Variants in ANXA10 observed in about 807,000 individuals in gnomAD.
ANXA10 encodes the protein annexin 14.
ANXA10 carries 49 observed loss-of-function variants against 53.5 expected under a neutral mutation model. The observed-to-expected ratio is 0.92, with a 90% confidence interval of 0.73 to 1.16. The LOEUF (loss-of-function observed/expected upper bound fraction) is 1.16. Among genes scored for constraint, ANXA10 ranks in the 50% most tolerant of loss-of-function variants. ANXA10 has a pLI of 0.00. For missense variants in ANXA10, 393 were observed against 394.4 expected (o/e 1.00, Z 0.03); for synonymous variants, 131 against 128.9 (o/e 1.02, Z -0.11).
Position 168,167,230 on chromosome 4 carries a change from AT to A in ANXA10, c.480+1909del, listed in dbSNP as rs559365638. 1.4e-4 allele frequency among the ~76,000 whole-genome samples: 22 copies of A among 152,220 alleles called. 1 individual carries two copies. The East Asian group carries it at 3.9e-3, about 27-fold the overall frequency. On this transcript the variant is annotated intron_variant, in intron 6 of 11. Transcript: ENST00000359299. ...AGAACAGACAGTCCTCAGTCCCTGA[AT>A]TTTTATGGTCTGACTTATCTACTTC...
chr4:168,136,579 CT>C (rs1296244610), intron 2 of ANXA10, among the ~76,000 whole-genome samples: 1 of 152,184 alleles, frequency 6.6e-6, no homozygotes, highest in Non-Finnish European at 1.5e-5. Flanking sequence ...GACTCCATGT[CT>C]CATATCCAGG....
intron 2 of ANXA10, among the ~76,000 whole-genome samples, chr4:168,128,968 T>C (rs1357604572): frequency 6.6e-6 from 1 of 151,804 alleles, no homozygotes; most frequent in Non-Finnish European, 1.5e-5. Context: ...TATATAATTT[T>C]TAAGATATCA....
intron 1 of ANXA10, among the ~76,000 whole-genome samples, chr4:168,126,272 T>C (rs975636256): frequency 6.6e-6 from 1 of 152,194 alleles, no homozygotes; most frequent in African/African-American, 2.4e-5. Flanking sequence ...ATTAGTAGAT[T>C]AAATTACATT....
intron 3 of ANXA10, among the ~76,000 whole-genome samples, chr4:168,140,618 C>CTTTTTT (rs35945870): frequency 6.8e-5 from 10 of 147,052 alleles, no homozygotes; most frequent in Non-Finnish European, 7.5e-5. Flanking sequence ...TAAGAAATGT[C>CTTTTTT]TTTTTTTTTT....
Position 168,177,803 on chromosome 4 carries a change from A to T in ANXA10, c.534+10A>T, listed in dbSNP as rs374132670. On this transcript the variant is annotated intron_variant, in intron 7 of 11. Transcript: ENST00000359299. Reference sequence around the variant, plus strand: ...TGCTCAGGATGCAATGGTAACTAGAACCAGTTCTCAGACTGACTGCAAAGA... The same window carrying T: ...TGCTCAGGATGCAATGGTAACTAGATCCAGTTCTCAGACTGACTGCAAAGA... 1 of 1,614,130 alleles carries T rather than the reference A, an allele frequency of 6.2e-7. No homozygotes were observed.
At chr4:168,150,402 T>C (rs1731477283) in intron 3 of ANXA10, among the ~76,000 whole-genome samples, 2 of 152,194 alleles carry the variant, frequency 1.3e-5, no homozygotes, top group Admixed American at 1.3e-4. Context: ...ACAAACATTT[T>C]TATAATACTG....
intron 1 of ANXA10, chr4:168,127,628 C>A: frequency 4.6e-6 from 1 of 219,232 alleles, no homozygotes; most frequent in Non-Finnish European, 9.5e-6. Context: ...GTATCATAGT[C>A]TCTTATTTAA....
At chr4:168,180,853 G>T (rs1346132244) in intron 9 of ANXA10, among the ~76,000 whole-genome samples, 1 of 152,094 alleles carries the variant, frequency 6.6e-6, no homozygotes, top group Non-Finnish European at 1.5e-5. Flanking sequence ...CTTCCAGCAA[G>T]GTAACTGTTG....
chr4:168,140,785 A>AT (rs1393344297), intron 3 of ANXA10, among the ~76,000 whole-genome samples: 1 of 151,882 alleles, frequency 6.6e-6, no homozygotes, highest in Non-Finnish European at 1.5e-5. Context: ...CGCCCAGCTA[A>AT]TTTTTTGTAT....
At chr4:168,134,340 T>G (rs1422493296) in intron 2 of ANXA10, among the ~76,000 whole-genome samples, 1 of 152,116 alleles carries the variant, frequency 6.6e-6, no homozygotes, top group Non-Finnish European at 1.5e-5. Flanking sequence ...TTTACAGTTA[T>G]TTTAATTTAA....
In ANXA10 at chr4:168,115,402, AT is replaced by A. The variant is rs138620708; in HGVS notation, c.19-12680del. Among the ~76,000 whole-genome samples the A allele has an allele frequency of 4.1e-3, 622 of 152,070 alleles. 3 individuals carry two copies. The highest frequency in any genetic ancestry group is 9.8e-3 in the Admixed American group (149 of 15,274). ...AATAACTTGAAATCAAATATTAGAC[AT>A]TCTGTTCTTAATAAATTTCAGCAAC... On this transcript the variant is annotated intron_variant, in intron 1 of 11. Coordinates refer to ENST00000359299, the MANE Select transcript of ANXA10 (RefSeq NM_007193.5).
chr4:168,183,002 CG>C, intron 10 of ANXA10, among the ~76,000 whole-genome samples: 1 of 124,532 alleles, frequency 8.0e-6, no homozygotes, highest in Admixed American at 9.5e-5. Flanking sequence ...AGCGAGACAC[CG>C]TCTCGGAAAA....
chr4:168,140,966 A>G (rs1186126921), intron 3 of ANXA10, among the ~76,000 whole-genome samples: 1 of 152,226 alleles, frequency 6.6e-6, no homozygotes, highest in African/African-American at 2.4e-5. Context: ...AAAGGTTTAC[A>G]TACATTTTTG....
rs1253204797 is a variant in ANXA10 at position 168,155,895 on chromosome 4, ATG to A, written c.196-6632_196-6631del. ...ATATATTATATGTTATATATAATAT[ATG>A]ATATATCATATATTATATTATATAT... On this transcript the variant is annotated intron_variant, in intron 3 of 11. Coordinates refer to ENST00000359299, the MANE Select transcript of ANXA10 (RefSeq NM_007193.5). Among the ~76,000 whole-genome samples the A allele has an allele frequency of 1.8e-3, 38 of 21,690 alleles. 4 individuals carry two copies. The highest frequency in any genetic ancestry group is 6.6e-3 in the African/African-American group (35 of 5,316). 14.2% of individuals were successfully genotyped at this position (21,690 alleles called of 152,430 possible).
At chr4:168,171,735 T>G (rs1252242751) in intron 6 of ANXA10, among the ~76,000 whole-genome samples, 1 of 152,210 alleles carries the variant, frequency 6.6e-6, no homozygotes, top group Non-Finnish European at 1.5e-5. Flanking sequence ...TTAAACTGGC[T>G]CACAATGCTT....
intron 6 of ANXA10, 115 bp from the exon 7 acceptor site, chr4:168,177,625 T>C (rs1732155412): frequency 2.1e-6 from 2 of 973,642 alleles, no homozygotes; most frequent in African/African-American, 1.6e-5. Context: ...CTCCAGATAA[T>C]AAAAGAAGTT....
intron 3 of ANXA10, among the ~76,000 whole-genome samples, chr4:168,148,587 T>C (rs774160420): frequency 3.0e-4 from 46 of 152,202 alleles, no homozygotes; most frequent in Non-Finnish European, 4.7e-4. Flanking sequence ...GCTGGGGAAA[T>C]TTTCTAGGCA....
intron 3 of ANXA10, among the ~76,000 whole-genome samples, chr4:168,151,019 C>T (rs1400142061): frequency 6.6e-6 from 1 of 152,056 alleles, no homozygotes; most frequent in Non-Finnish European, 1.5e-5. Flanking sequence ...CCCATCATTG[C>T]TAGGAACTCA....
intron 6 of ANXA10, 82 bp downstream of exon 6, chr4:168,165,408 A>G (rs1312445779): frequency 4.3e-6 from 3 of 694,054 alleles, no homozygotes; most frequent in Non-Finnish European, 6.7e-6. Context: ...AAAAAAAAAT[A>G]GAACAGAAAA....
Sources: gnomAD v4.1 joint callset for allele counts (sites outside exome capture counted in the v4.1 genomes callset) on GRCh38, gnomAD v4.1.1 for gene constraint, MANE v1.5 for transcripts, NCBI Gene and HGNC (gene_info 2026-07-23, HGNC 2026-07-21) for gene names.